The following PLAAT1 variants were observed in gnomAD, a reference collection of about 807,000 sequenced individuals.
PLAAT1 encodes the protein H-REV107 protein-related protein.
A neutral mutation model predicts 16.4 loss-of-function variants in PLAAT1; 13 were observed. The ratio of observed to expected loss-of-function variants is 0.79; its 90% CI spans 0.52 to 1.26. The LOEUF (loss-of-function observed/expected upper bound fraction) is 1.26. Among genes scored for constraint, PLAAT1 ranks in the 50% most tolerant of loss-of-function variants. The pLI, the probability that PLAAT1 is intolerant of heterozygous loss-of-function variation, is 0.00. For synonymous variants in PLAAT1, 73 were observed against 78.4 expected (o/e 0.93, Z 0.36); for missense variants, 218 against 207.8 (o/e 1.05, Z -0.30).
At chr3:193,246,788 T>C (rs1367466691) in intron 1 of PLAAT1, among the ~76,000 whole-genome samples, 3 of 152,234 alleles carry the variant, frequency 2.0e-5, no homozygotes, top group Non-Finnish European at 4.4e-5. Context: ...TAAAGATCTT[T>C]GCATTTGTGT....
intron 1 of PLAAT1, among the ~76,000 whole-genome samples, chr3:193,252,614 G>C (rs956315285): frequency 6.6e-6 from 1 of 151,912 alleles, no homozygotes; most frequent in African/African-American, 2.4e-5. Context: ...TATCAAGTCT[G>C]GGAACTCTTT....
downstream of PLAAT1, among the ~76,000 whole-genome samples, chr3:193,274,288 G>A (rs919925460): frequency 6.6e-6 from 1 of 152,132 alleles, no homozygotes; most frequent in Admixed American, 6.6e-5. Flanking sequence ...AGCAGTAAAT[G>A]TTGCTATGCT....
At chr3:193,243,711 C>T (rs949620897) in intron 1 of PLAAT1, among the ~76,000 whole-genome samples, 1 of 152,144 alleles carries the variant, frequency 6.6e-6, no homozygotes, top group Non-Finnish European at 1.5e-5. Flanking sequence ...ACTACCTGTG[C>T]GACTTTAGGT....
intron 3 of PLAAT1, among the ~76,000 whole-genome samples, chr3:193,265,126 T>C (rs1716734361): frequency 6.6e-6 from 1 of 152,210 alleles, no homozygotes; most frequent in African/African-American, 2.4e-5. Context: ...GTAGAATTAC[T>C]GTATGACTCA....
At chr3:193,254,752 C>G (rs1716314418) in intron 1 of PLAAT1, among the ~76,000 whole-genome samples, 1 of 152,108 alleles carries the variant, frequency 6.6e-6, no homozygotes, top group Admixed American at 6.5e-5. Context: ...AGTGAGGAAT[C>G]TGACAATAAA....
chr3:193,268,812 G>A (rs1236846261), intron 3 of PLAAT1, among the ~76,000 whole-genome samples: 3 of 152,118 alleles, frequency 2.0e-5, no homozygotes, highest in African/African-American at 4.8e-5. Context: ...AAATTTGTCA[G>A]CTTTCATTAA....
At chr3:193,264,718 T>C (rs1397722069) in intron 3 of PLAAT1, among the ~76,000 whole-genome samples, 2 of 152,190 alleles carry the variant, frequency 1.3e-5, no homozygotes, top group Non-Finnish European at 2.9e-5. Context: ...TGGTCTCATG[T>C]TGGCCAGGCT....
Position 193,263,141 on chromosome 3 carries a change from T to A in PLAAT1, c.311T>A (p.Phe104Tyr). ...PVEEIIKRSE[F>Y]VIGQEVAYNL... ...GAAGAAATCATAAAGCGGTCAGAGT[T>A]TGTAATTGGACAGGAGGTGGCCTAT... Residue 104 changes from phenylalanine to tyrosine, a missense_variant, in exon 3 of 4, where the codon TTT becomes TAT. Transcript: ENST00000264735. 6.2e-7 allele frequency: 1 copy of A among 1,614,210 alleles called. No homozygotes were observed. Among genetic ancestry groups the A allele is most frequent in the Non-Finnish European group, 8.5e-7 (1 of 1,180,032 alleles).
chr3:193,277,925 T>C (rs941797660), downstream of PLAAT1, among the ~76,000 whole-genome samples: 4 of 152,162 alleles, frequency 2.6e-5, no homozygotes, highest in Admixed American at 2.6e-4. Flanking sequence ...TGCCTCAGCC[T>C]CCCAAGTAGC....
At position 193,270,829 on chromosome 3, in the gene PLAAT1, A is replaced by C. The variant is rs574931608; in HGVS notation, c.*124A>C. 1.1e-5 allele frequency: 15 copies of C among 1,384,184 alleles called. No homozygotes were observed. The South Asian group carries it at 2.8e-4, about 26-fold the overall frequency. 85.7% of individuals were successfully genotyped at this position (1,384,184 alleles called of 1,614,324 possible). A position where few individuals can be genotyped will look rare whatever the true frequency, so the allele number is the denominator to read the frequency against. On this transcript the variant is annotated 3_prime_UTR_variant, in exon 4 of 4. Coordinates refer to ENST00000264735, the MANE Select transcript of PLAAT1 (RefSeq NM_020386.5). ...TCCTATGATGGATGGCAGACTCTTT[A>C]ATAAATTGCTTACTGATATTATCTT...
intron 1 of PLAAT1, among the ~76,000 whole-genome samples, chr3:193,246,327 G>C (rs370797026): frequency 6.6e-6 from 1 of 151,560 alleles, no homozygotes; most frequent in South Asian, 2.1e-4. Context: ...GCTTTTTGTC[G>C]TTCATTTTGT....
chr3:193,270,187 C>T (rs908945696), intron 3 of PLAAT1, among the ~76,000 whole-genome samples: 5 of 151,886 alleles, frequency 3.3e-5, no homozygotes, highest in East Asian at 1.9e-4. Context: ...AGGAGAAGAA[C>T]GTGTGTTTCA....
downstream of PLAAT1, among the ~76,000 whole-genome samples, chr3:193,280,779 G>C (rs1018561416): frequency 1.3e-5 from 2 of 152,090 alleles, no homozygotes; most frequent in Non-Finnish European, 2.9e-5. Flanking sequence ...AATCAGCATT[G>C]CCATGATACA....
chr3:193,265,667 G>A (rs749722964), intron 3 of PLAAT1, among the ~76,000 whole-genome samples: 20 of 151,274 alleles, frequency 1.3e-4, no homozygotes, highest in African/African-American at 4.8e-4. Flanking sequence ...AAATAAAAAG[G>A]TTTGGGAAAA....
At chr3:193,267,598 T>A (rs1417720386) in intron 3 of PLAAT1, among the ~76,000 whole-genome samples, 2 of 152,186 alleles carry the variant, frequency 1.3e-5, no homozygotes, top group Non-Finnish European at 2.9e-5. Context: ...ACACCTTATT[T>A]ATCCATTCAC....
chr3:193,272,041 G>A (rs986524321), downstream of PLAAT1, among the ~76,000 whole-genome samples: 14 of 152,086 alleles, frequency 9.2e-5, no homozygotes, highest in African/African-American at 3.4e-4. Context: ...TTCTGTGGGG[G>A]TGTGAGTGTC....
rs1203355193 is a variant in PLAAT1, at chr3:193,263,238, A to G, written c.405+3A>G. The G allele has an allele frequency of 1.2e-6, 2 of 1,612,866 alleles. No homozygotes were observed. The highest frequency in any genetic ancestry group is 1.7e-5 in the Admixed American group (1 of 59,892). Reference sequence around the variant, plus strand: ...ATGGAGAAGGAGTTTCAGAGCAGGTAAGTTTTCTTTAGGAGATATTCTTAC... The same window carrying G: ...ATGGAGAAGGAGTTTCAGAGCAGGTGAGTTTTCTTTAGGAGATATTCTTAC... On this transcript the variant is annotated splice_donor_region_variant and intron_variant, in intron 3 of 3. Transcript: ENST00000264735.
chr3:193,280,702 G>A (rs1341942927), downstream of PLAAT1, among the ~76,000 whole-genome samples: 1 of 152,176 alleles, frequency 6.6e-6, no homozygotes, highest in East Asian at 1.9e-4. Flanking sequence ...GAGCACTTTA[G>A]AGACGGTACC....
intron 2 of PLAAT1, among the ~76,000 whole-genome samples, chr3:193,258,875 G>A (rs1716481341): frequency 1.3e-5 from 2 of 152,054 alleles, no homozygotes; most frequent in Admixed American, 1.3e-4. Flanking sequence ...AAAAACCCCA[G>A]GAGGAGGGGC....
Sources: gnomAD v4.1 joint callset for allele counts (sites outside exome capture counted in the v4.1 genomes callset) on GRCh38, gnomAD v4.1.1 for gene constraint, MANE v1.5 for transcripts, NCBI Gene and HGNC (gene_info 2026-07-23, HGNC 2026-07-21) for gene names.